SP7: variants seen among roughly 807,000 people sequenced by gnomAD.
The protein encoded by SP7 is transcription factor Sp7.
SP7 carries 13 observed loss-of-function variants against 27.9 expected under a neutral mutation model. The ratio of observed to expected loss-of-function variants is 0.47; its 90% CI spans 0.30 to 0.74. SP7 has a LOEUF of 0.74. SP7 is among the 30% of genes least tolerant of loss of function. The probability of loss-of-function intolerance (pLI) is 0.06; values close to 1 mark genes in which losing one functional copy is unlikely to be tolerated. For synonymous variants in SP7, 219 were observed against 226.7 expected, an observed-to-expected ratio of 0.97 and a Z score of 0.31; for missense variants, 525 against 558.0, an observed-to-expected ratio of 0.94 and a Z score of 0.60.
At position 53,328,537 on chromosome 12, in the gene SP7, C is replaced by T; in HGVS notation, c.905G>A (p.Gly302Asp). ...GTGCGAAGCCTTGCCATACACCTTGCCGCAGCCAGGGATGTGGCAGCTGTG... is the reference window on the plus strand; with the variant it reads ...GTGCGAAGCCTTGCCATACACCTTGTCGCAGCCAGGGATGTGGCAGCTGTG... The part of the protein sequence containing the change: ...PIHSCHIPGC[G>D]KVYGKASHLK... Residue 302 changes from glycine (G) to aspartate (D), a missense_variant, in exon 3 of 3, where the codon GGC becomes GAC. Transcript: ENST00000536324. This position sits in a 1 kb window ranked among gnomAD's most constrained non-coding sequence, Gnocchi z 5.1. 6.2e-7 allele frequency: 1 copy of T among 1,612,994 alleles called. No homozygotes were observed. Among genetic ancestry groups the T allele is most frequent in the Middle Eastern group, 1.7e-4 (1 of 6,060 alleles).
At chr12:53,342,359 A>G (rs1485789918) in intron 1 of SP7, among the ~76,000 whole-genome samples, 1 of 152,248 alleles carries the variant, frequency 6.6e-6, no homozygotes. Flanking sequence ...GAATGAACTT[A>G]AAGAACATTC....
chr12:53,335,833 C>A, intron 1 of SP7, 140 bp from the exon 2 acceptor site: 1 of 1,404,602 alleles, frequency 7.1e-7, no homozygotes, highest in East Asian at 2.6e-5. Flanking sequence ...CCTCTAATTA[C>A]AGCTTTCCCA....
In SP7 at chr12:53,328,249, C is replaced by A. The variant is rs1416684267; in HGVS notation, c.1193G>T (p.Gly398Val). Residue 398 changes from glycine to valine, a missense_variant, in exon 3 of 3, where the codon GGG (glycine) becomes GTG (valine). Coordinates refer to ENST00000536324, the MANE Select transcript of SP7 (RefSeq NM_001173467.3). This position sits in a 1 kb window ranked among gnomAD's most constrained non-coding sequence, Gnocchi z 5.1. The part of the protein sequence containing the change: ...PKELGEGRST[G>V]EEEASQTPRP... ...GGGCGTCTGACTGGCCTCCTCTTCC[C>A]CCGTGCTGCGGCCCTCCCCCAGCTC... is the stretch of plus-strand genomic sequence containing the variant. 6 of 1,612,374 alleles carry A rather than the reference C, an allele frequency of 3.7e-6. No individual in the cohort carries two copies. The highest frequency in any genetic ancestry group is 1.7e-4 in the Middle Eastern group (1 of 6,054).
chr12:53,336,708 A>C (rs1259423998), upstream of SP7, among the ~76,000 whole-genome samples: 7 of 151,890 alleles, frequency 4.6e-5, no homozygotes. Flanking sequence ...CTAGATCAGG[A>C]GAGCAGTGTG....
intron 2 of SP7, among the ~76,000 whole-genome samples, chr12:53,334,363 C>CAT (rs1944741901): frequency 6.6e-6 from 1 of 151,828 alleles, no homozygotes; most frequent in Admixed American, 6.6e-5. Flanking sequence ...CACACACACA[C>CAT]ACACACACAC....
At chr12:53,332,347 G>T (rs190567330) in intron 2 of SP7, among the ~76,000 whole-genome samples, 9 of 152,162 alleles carry the variant, frequency 5.9e-5, no homozygotes, top group South Asian at 2.1e-4. Flanking sequence ...GAGGCCAAGT[G>T]GGGGAGGGTT....
intron 2 of SP7, among the ~76,000 whole-genome samples, chr12:53,329,839 C>T (rs1944683963): frequency 1.3e-5 from 2 of 152,066 alleles, no homozygotes; most frequent in South Asian, 4.2e-4. Flanking sequence ...TCAAGAGATT[C>T]CCCTGCCTCA....
chr12:53,328,763 C>A lies in SP7; in HGVS notation c.679G>T (p.Asp227Tyr), dbSNP rs1215320214. Residue 227 changes from aspartate to tyrosine, a missense_variant, in exon 3 of 3, where the codon GAT becomes TAT. Asp to Tyr is a radical substitution (Grantham distance 160, BLOSUM62 -3). Transcript: ENST00000536324. This position sits in a 1 kb window ranked among gnomAD's most constrained non-coding sequence, Gnocchi z 5.1. Reference sequence around the variant, plus strand: ...CCCACTGCCTTGGGTTTATAGACATCTTGGGGCAAGACATGCTGGGGCCCT... The same window carrying A: ...CCCACTGCCTTGGGTTTATAGACATATTGGGGCAAGACATGCTGGGGCCCT... ...QPGPQHVLPQ[D>Y]VYKPKAVGNS... The A allele has an allele frequency of 6.2e-7, 1 of 1,603,860 alleles. No homozygotes were observed. The highest frequency in any genetic ancestry group is 2.2e-5 in the East Asian group (1 of 44,672).
At chr12:53,339,965 G>A (rs1944808192), upstream of SP7, among the ~76,000 whole-genome samples, 1 of 152,046 alleles carries the variant, frequency 6.6e-6, no homozygotes, top group South Asian at 2.1e-4. Flanking sequence ...CTGAAATAGA[G>A]ACTGACACAT....
intron 2 of SP7, among the ~76,000 whole-genome samples, chr12:53,335,320 G>A (rs1038246044): frequency 1.5e-5 from 2 of 131,432 alleles, no homozygotes; most frequent in African/African-American, 6.0e-5. Flanking sequence ...TTTCTCCATC[G>A]CTTTTCCACT....
At chr12:53,335,411 A>C in intron 2 of SP7, among the ~76,000 whole-genome samples, 1 of 145,274 alleles carries the variant, frequency 6.9e-6, no homozygotes, top group Non-Finnish European at 1.5e-5. Context: ...CCCTCTTTCC[A>C]CTGCCCTCTG....
chr12:53,333,250 TC>T (rs1944726574), intron 2 of SP7, among the ~76,000 whole-genome samples: 2 of 152,146 alleles, frequency 1.3e-5, no homozygotes, highest in Non-Finnish European at 2.9e-5. Context: ...TAAACATGTG[TC>T]CCCATACCTG....
chr12:53,332,385 C>A lies in SP7; in HGVS notation c.22-2965G>T, dbSNP rs552236538. On this transcript the variant is annotated intron_variant, in intron 2 of 2. Transcript: ENST00000536324. ...TTGAGGCCAGCAGTTTGAGACCAGC[C>A]TGGGCAACATAGTGAAACCCCATTT... 4.6e-5 allele frequency among the ~76,000 whole-genome samples: 7 copies of A among 152,244 alleles called. No homozygotes were observed. The East Asian group carries it at 1.4e-3, about 29-fold the overall frequency.
At chr12:53,334,329 C>T (rs1944740764) in intron 2 of SP7, among the ~76,000 whole-genome samples, 1 of 135,602 alleles carries the variant, frequency 7.4e-6, no homozygotes, top group South Asian at 2.5e-4. Flanking sequence ...GATGGCCCAA[C>T]TTACACACAC....
rs2136834379 is a variant in SP7 at position 53,328,594 on chromosome 12, G to A, written c.848C>T (p.Ala283Val). The A allele has an allele frequency of 3.1e-6, 5 of 1,609,136 alleles. No individual in the cohort carries two copies. The highest frequency in any genetic ancestry group is 4.2e-6 in the Non-Finnish European group (5 of 1,176,700). Reference protein sequence around the residue: ...PNCQELERLGAAAAGLRKKPI... With the variant: ...PNCQELERLGVAAAGLRKKPI... ...CTTCTTCCGCAGCCCAGCCGCTGCT[G>A]CTCCCAGCCGCTCTAGCTCCTGGCA... is the stretch of plus-strand genomic sequence containing the variant. The change falls in exon 3 of 3, where the codon GCA becomes GTA. Residue 283 changes from alanine to valine, a missense_variant. By Grantham distance (64) the Ala-to-Val change is moderately conservative. Coordinates refer to ENST00000536324, the MANE Select transcript of SP7 (RefSeq NM_001173467.3). This position sits in a 1 kb window ranked among gnomAD's most constrained non-coding sequence, Gnocchi z 5.1.
upstream of SP7, among the ~76,000 whole-genome samples, chr12:53,339,467 G>A (rs886209657): frequency 2.0e-5 from 3 of 149,046 alleles, no homozygotes; most frequent in African/African-American, 5.0e-5. Flanking sequence ...GGCTCACGCC[G>A]GTAATCCCAG....
chr12:53,328,075 G>T lies in SP7; in HGVS notation c.*71C>A. Reference sequence around the variant, plus strand: ...CATGCATGGGGTAAAGAGAGTGATTGGCAAGCAGTGGTCTAGAGAGCCAAG... The same window carrying T: ...CATGCATGGGGTAAAGAGAGTGATTTGCAAGCAGTGGTCTAGAGAGCCAAG... On this transcript the variant is annotated 3_prime_UTR_variant, in exon 3 of 3. Transcript: ENST00000536324. The surrounding 1 kb of genome is among the most constrained non-coding windows in gnomAD (Gnocchi z 5.1). The T allele has an allele frequency of 7.1e-7, 1 of 1,413,758 alleles. No homozygotes were observed. 87.6% of individuals were successfully genotyped at this position (1,413,758 alleles called of 1,614,324 possible). A position where few individuals can be genotyped will look rare whatever the true frequency, so the allele number is the denominator to read the frequency against.
At chr12:53,338,287 TG>T (rs910283287), upstream of SP7, among the ~76,000 whole-genome samples, 1 of 151,922 alleles carries the variant, frequency 6.6e-6, no homozygotes, top group Non-Finnish European at 1.5e-5. Flanking sequence ...TCCCCCTTGT[TG>T]GGGGGGAGTC....
At chr12:53,338,260 C>T (rs1474046530), upstream of SP7, among the ~76,000 whole-genome samples, 1 of 152,118 alleles carries the variant, frequency 6.6e-6, no homozygotes, top group Non-Finnish European at 1.5e-5. Context: ...GTGGGGTGTC[C>T]CTGTGACCTC....
Sources: gnomAD v4.1 joint callset for allele counts (sites outside exome capture counted in the v4.1 genomes callset) on GRCh38, gnomAD v4.1.1 for gene constraint, Gnocchi (gnomAD v3.1) non-coding constraint, MANE v1.5 for transcripts, NCBI Gene and HGNC (gene_info 2026-07-23, HGNC 2026-07-21) for gene names.